The following THSD7A variants were observed in gnomAD, a reference collection of about 807,000 sequenced individuals.
THSD7A encodes the protein thrombospondin type-1 domain-containing protein 7A.
A neutral mutation model predicts 231.3 loss-of-function variants in THSD7A; 96 were observed. The observed-to-expected ratio is 0.41, with a 90% CI of 0.35 to 0.49. The LOEUF is 0.49. Ranked by LOEUF, THSD7A falls within the 20% of genes least tolerant of loss-of-function variation. The pLI, the probability that THSD7A is intolerant of heterozygous loss-of-function variation, is 0.05. For missense variants in THSD7A, 2,290 were observed against 2,070.2 expected, an observed-to-expected ratio of 1.11 and a Z score of -2.06; for synonymous variants, 940 against 743.3, an observed-to-expected ratio of 1.26 and a Z score of -4.30.
intron 6 of THSD7A, among the ~76,000 whole-genome samples, chr7:11,489,147 T>A (rs1259826224): frequency 6.6e-6 from 1 of 152,154 alleles, no homozygotes; most frequent in African/African-American, 2.4e-5. Context: ...CTTGGTGTAG[T>A]CACTGTTATT....
chr7:11,382,771 T>A (rs1346305550), intron 23 of THSD7A, among the ~76,000 whole-genome samples, 155 bp from the exon 24 acceptor site: 1 of 152,084 alleles, frequency 6.6e-6, no homozygotes, highest in East Asian at 1.9e-4. Flanking sequence ...ATGCATATGT[T>A]TAAAATTGCA....
chr7:11,611,940 C>T (rs1780948093), intron 2 of THSD7A, among the ~76,000 whole-genome samples: 1 of 151,846 alleles, frequency 6.6e-6, no homozygotes, highest in South Asian at 2.1e-4. Flanking sequence ...CCAGAAATAT[C>T]AAGTAATAGT....
Position 11,379,641 on chromosome 7 carries a change from A to G in THSD7A, c.4579T>C (p.Tyr1527His). The change falls in exon 25 of 28, where the codon TAC becomes CAC. Residue 1527 changes from tyrosine to histidine, a missense_variant. By Grantham distance (83) the Tyr-to-His change is moderately conservative (BLOSUM62 2). Transcript: ENST00000423059. ...GAATTTTCACATACCTCGCTACAGT[A>G]CGAGTGGGGTTGACTACACGGTGGG... ...CNPPCSQPHS[Y>H]CSETKTCHCE... 6.3e-7 allele frequency: 1 copy of G among 1,583,734 alleles called. No homozygotes were observed. Among genetic ancestry groups the G allele is most frequent in the Non-Finnish European group, 8.6e-7 (1 of 1,164,022 alleles).
At chr7:11,461,088 A>T (rs769774014) in intron 10 of THSD7A, among the ~76,000 whole-genome samples, 1 of 152,178 alleles carries the variant, frequency 6.6e-6, no homozygotes, top group Non-Finnish European at 1.5e-5. Flanking sequence ...ATGCCATTTA[A>T]ATAATGTATA....
rs559971239 is a variant in THSD7A, at chr7:11,724,734, C to G, written c.191-87773G>C. ...TAGATTTAAGAAAAATTGCCATTTT[C>G]TTTGAAAACCACCATTACATATACC... On this transcript the variant is annotated intron_variant, in intron 1 of 27. Transcript: ENST00000423059. Among the ~76,000 whole-genome samples the G allele has an allele frequency of 2.0e-5, 3 of 151,998 alleles. No homozygotes were observed. The South Asian group carries it at 6.2e-4, about 31-fold the overall frequency.
intron 1 of THSD7A, among the ~76,000 whole-genome samples, chr7:11,733,875 A>C (rs1229318563): frequency 6.6e-6 from 1 of 151,628 alleles, no homozygotes; most frequent in South Asian, 2.1e-4. Context: ...TGTTAATGAC[A>C]CTATGGATTG....
chr7:11,587,322 G>T (rs542216550), intron 4 of THSD7A, among the ~76,000 whole-genome samples: 6 of 152,108 alleles, frequency 3.9e-5, no homozygotes, highest in African/African-American at 1.2e-4. Context: ...AACTGTCAAG[G>T]GTTTTACTAC....
In THSD7A at chr7:11,474,561, A is replaced by G; in HGVS notation, c.2025T>C (p.Ile675=). The change falls in exon 8 of 28, where the codon ATT becomes ATC. Residue 675 remains isoleucine, a synonymous_variant. Coordinates refer to ENST00000423059, the MANE Select transcript of THSD7A (RefSeq NM_015204.3). This position sits in a 1 kb window ranked among gnomAD's most constrained non-coding sequence, Gnocchi z 4.1. ...GCAAAGCACTGCTATTTGGACAGCG[A>G]ATTCCACCTAAAAACATGGACAATG... ...ILAYAGEEGG[I]RCPNSSALQE... is the part of the protein sequence containing the mutation. The G allele has an allele frequency of 1.3e-6, 2 of 1,586,926 alleles. No individual in the cohort carries two copies. Among genetic ancestry groups the G allele is most frequent in the Non-Finnish European group, 1.7e-6 (2 of 1,159,742 alleles).
intron 6 of THSD7A, among the ~76,000 whole-genome samples, chr7:11,527,049 A>G (rs1788504949): frequency 6.6e-6 from 1 of 152,162 alleles, no homozygotes; most frequent in African/African-American, 2.4e-5. Context: ...TAATGTTTAA[A>G]TGTTGTTTCT....
At chr7:11,674,175 A>T (rs962845804) in intron 1 of THSD7A, among the ~76,000 whole-genome samples, 2 of 152,012 alleles carry the variant, frequency 1.3e-5, no homozygotes, top group African/African-American at 2.4e-5. Context: ...GGGACAAAGG[A>T]AGCCTGGGTA....
chr7:11,724,328 G>A (rs1388653239), intron 1 of THSD7A, among the ~76,000 whole-genome samples: 1 of 151,824 alleles, frequency 6.6e-6, no homozygotes, highest in Non-Finnish European at 1.5e-5. Flanking sequence ...CCAAGCCAGG[G>A]TAGCTCCATT....
intron 6 of THSD7A, among the ~76,000 whole-genome samples, chr7:11,531,942 G>C (rs1469514616): frequency 6.6e-6 from 1 of 152,122 alleles, no homozygotes; most frequent in African/African-American, 2.4e-5. Flanking sequence ...CTCATCAAAA[G>C]GTATAGTCTA....
At position 11,474,634 on chromosome 7, in the gene THSD7A, C is replaced by A; in HGVS notation, c.2018-66G>T. 1.5e-6 allele frequency: 2 copies of A among 1,290,826 alleles called. No individual in the cohort carries two copies. Among genetic ancestry groups the A allele is most frequent in the South Asian group, 1.5e-5 (1 of 67,114 alleles). The allele number at this position is 1,290,826 out of a possible 1,614,324, so 80.0% of individuals were successfully genotyped here. A position where few individuals can be genotyped will look rare whatever the true frequency, so the allele number is the denominator to read the frequency against. ...AACAGGAACCTTACCATACTCTGTT[C>A]TTTGGAATTAACATGGCTTAGAAAT... is the stretch of plus-strand genomic sequence containing the variant. On this transcript the variant is annotated intron_variant, in intron 7 of 27. Transcript: ENST00000423059. The surrounding 1 kb of genome is among the most constrained non-coding windows in gnomAD (Gnocchi z 4.1).
Position 11,636,315 on chromosome 7 carries a change from C to T in THSD7A, c.837G>A (p.Lys279=). ...TGCGGTCCTTTTCCCGTTCTTTATT[C>T]TTCCCGCGTCTCCTTGCTTGTCTTA... ...RQVRQARRRG[K]NKEREKDRSK... is the part of the protein sequence containing the mutation. Residue 279 remains lysine (K), a synonymous_variant, in exon 2 of 28, where the codon AAG becomes AAA. Transcript: ENST00000423059. This position sits in a 1 kb window ranked among gnomAD's most constrained non-coding sequence, Gnocchi z 10.0. 3 of 1,613,862 alleles carry T rather than the reference C, an allele frequency of 1.9e-6. No individual in the cohort carries two copies. The highest frequency in any genetic ancestry group is 1.1e-5 in the South Asian group (1 of 91,076).
intron 26 of THSD7A, 71 bp from the exon 27 acceptor site, chr7:11,376,728 C>G: frequency 2.6e-6 from 3 of 1,166,124 alleles, no homozygotes; most frequent in Non-Finnish European, 3.7e-6. Context: ...TAACTATGAC[C>G]AATGATCAGT....
chr7:11,681,570 T>C (rs1260573082), intron 1 of THSD7A, among the ~76,000 whole-genome samples: 1 of 151,952 alleles, frequency 6.6e-6, no homozygotes, highest in Non-Finnish European at 1.5e-5. Context: ...CAAAATAATT[T>C]TTTTTTAAGA....
intron 1 of THSD7A, among the ~76,000 whole-genome samples, chr7:11,678,624 A>C (rs1006879815): frequency 3.3e-5 from 5 of 152,166 alleles, no homozygotes; most frequent in Non-Finnish European, 7.4e-5. Context: ...TTAGACACAT[A>C]CACCCTCCCA....
chr7:11,626,044 A>G (rs1266580635), intron 2 of THSD7A, among the ~76,000 whole-genome samples: 3 of 152,066 alleles, frequency 2.0e-5, no homozygotes, highest in Non-Finnish European at 4.4e-5. Flanking sequence ...AGTGATATAA[A>G]CCTTATTTCA....
intron 23 of THSD7A, among the ~76,000 whole-genome samples, chr7:11,392,744 C>T (rs1184894349): frequency 2.0e-5 from 3 of 152,198 alleles, no homozygotes; most frequent in Non-Finnish European, 4.4e-5. Flanking sequence ...GTTTTCTCCT[C>T]ACAGTGTAAA....
Sources: gnomAD v4.1 joint callset for allele counts (sites outside exome capture counted in the v4.1 genomes callset) on GRCh38, gnomAD v4.1.1 for gene constraint, Gnocchi (gnomAD v3.1) non-coding constraint, MANE v1.5 for transcripts, NCBI Gene and HGNC (gene_info 2026-07-23, HGNC 2026-07-21) for gene names.